The following RTN1 variants were observed in gnomAD, a reference collection of about 807,000 sequenced individuals.
RTN1 encodes the protein reticulon 1.
RTN1 carries 25 observed loss-of-function variants against 65.5 expected under a neutral mutation model. That is an observed-to-expected ratio of 0.38 (90% CI 0.28 to 0.53). RTN1 has a LOEUF of 0.53. Ranked by LOEUF, RTN1 falls within the 20% of genes least tolerant of loss-of-function variation. RTN1 has a pLI of 0.79. For missense variants in RTN1, 983 were observed against 1,025.4 expected, an observed-to-expected ratio of 0.96 and a Z score of 0.57; for synonymous variants, 471 against 447.6, an observed-to-expected ratio of 1.05 and a Z score of -0.66.
At chr14:59,657,357 C>T (rs759486448) in intron 3 of RTN1, among the ~76,000 whole-genome samples, 6 of 152,122 alleles carry the variant, frequency 3.9e-5, no homozygotes, top group Non-Finnish European at 8.8e-5. Context: ...TGCAGTGAGC[C>T]GAGACTGCGC....
At chr14:59,611,023 G>T (rs563849922) in intron 3 of RTN1, among the ~76,000 whole-genome samples, 1 of 152,136 alleles carries the variant, frequency 6.6e-6, no homozygotes, top group Non-Finnish European at 1.5e-5. Flanking sequence ...CACCCACAAA[G>T]TTATCCTTAA....
At position 59,611,192 on chromosome 14, in the gene RTN1, G is replaced by A. The variant is rs563935495; in HGVS notation, c.1766-3700C>T. ...AGGCAGTGGGCAATGTGAACCCCTT[G>A]GGCAGTTACAAATTTGGGGGCTCAT... is the stretch of plus-strand genomic sequence containing the variant. On this transcript the variant is annotated intron_variant, in intron 3 of 8. Coordinates refer to ENST00000267484, the MANE Select transcript of RTN1 (RefSeq NM_021136.3). 1.2e-4 allele frequency among the ~76,000 whole-genome samples: 19 copies of A among 152,304 alleles called. No homozygotes were observed. The South Asian group carries it at 3.9e-3, about 32-fold the overall frequency.
chr14:59,820,041 G>A (rs563827099), intron 1 of RTN1, among the ~76,000 whole-genome samples: 2 of 152,366 alleles, frequency 1.3e-5, no homozygotes, highest in African/African-American at 4.8e-5. Context: ...CAGAGTGGAC[G>A]CCAAGGCCGA....
chr14:59,749,364 ATATATCTATATATC>A (rs1885340752), intron 1 of RTN1, among the ~76,000 whole-genome samples: 2 of 77,568 alleles, frequency 2.6e-5, no homozygotes, highest in Non-Finnish European at 4.0e-5. Flanking sequence ...ATATCTATAT[ATATATCTATATATC>A]TATATCTATA....
rs573516417 is a variant in RTN1 at position 59,854,054 on chromosome 14, G to A, written c.241+16336C>T. Among the ~76,000 whole-genome samples, 44 of 151,796 alleles carry A rather than the reference G, an allele frequency of 2.9e-4. No homozygotes were observed. In the East Asian group the frequency reaches 5.7e-3, roughly 20 times the overall value. On this transcript the variant is annotated intron_variant, in intron 1 of 8. Coordinates refer to ENST00000267484, the MANE Select transcript of RTN1 (RefSeq NM_021136.3). ...TAATTTTTGTATTTTTAGTAGAGACGAGGTTTCCCTATGTTGGCTGGTCTT... is the reference window on the plus strand; with the variant it reads ...TAATTTTTGTATTTTTAGTAGAGACAAGGTTTCCCTATGTTGGCTGGTCTT...
At chr14:59,662,530 T>C (rs1165101260) in intron 3 of RTN1, among the ~76,000 whole-genome samples, 1 of 152,186 alleles carries the variant, frequency 6.6e-6, no homozygotes, top group Non-Finnish European at 1.5e-5. Context: ...ATGGAGTATA[T>C]GTGCCACATT....
chr14:59,618,918 T>C (rs1258765926), intron 3 of RTN1, among the ~76,000 whole-genome samples: 1 of 152,232 alleles, frequency 6.6e-6, no homozygotes, highest in Non-Finnish European at 1.5e-5. Flanking sequence ...GGATCCTGCT[T>C]TTAAGGAATT....
At chr14:59,683,034 C>T (rs1439748255) in intron 3 of RTN1, among the ~76,000 whole-genome samples, 1 of 152,118 alleles carries the variant, frequency 6.6e-6, no homozygotes, top group Non-Finnish European at 1.5e-5. Flanking sequence ...GTGACATTCA[C>T]TATGGTTGAT....
chr14:59,741,783 G>A (rs1256249967), intron 2 of RTN1, among the ~76,000 whole-genome samples: 2 of 152,014 alleles, frequency 1.3e-5, no homozygotes, highest in East Asian at 3.9e-4. Context: ...CTCAGGCCCT[G>A]TGCATTTGCT....
intron 1 of RTN1, among the ~76,000 whole-genome samples, chr14:59,807,050 CTCAT>C (rs1420879498): frequency 1.3e-5 from 2 of 152,312 alleles, no homozygotes; most frequent in East Asian, 3.9e-4. Flanking sequence ...TTACCTCTAA[CTCAT>C]TCAATGTGAT....
chr14:59,621,682 C>G (rs1657582271), intron 3 of RTN1, among the ~76,000 whole-genome samples: 1 of 152,176 alleles, frequency 6.6e-6, no homozygotes, highest in South Asian at 2.1e-4. Context: ...GAATTAATAG[C>G]TAAGTGGAAA....
Position 59,654,432 on chromosome 14 carries a change from G to GGAA in RTN1, c.1766-46941_1766-46940insTTC, listed in dbSNP as rs370396777. Reference sequence around the variant, plus strand: ...TGACAGAGCGAGACTCTGTCTCTGTGAAAAAAAAAAAAAAAGGAGGAGGGA... The same window carrying GGAA: ...TGACAGAGCGAGACTCTGTCTCTGTGGAAAAAAAAAAAAAAAAAGGAGGAGGGA... On this transcript the variant is annotated intron_variant, in intron 3 of 8. Coordinates refer to ENST00000267484, the MANE Select transcript of RTN1 (RefSeq NM_021136.3). Among the ~76,000 whole-genome samples the GGAA allele has an allele frequency of 7.4e-4, 81 of 108,824 alleles. 1 individual carries two copies. The highest frequency in any genetic ancestry group is 5.1e-3 in the Middle Eastern group (1 of 198). 71.4% of individuals were successfully genotyped at this position (108,824 alleles called of 152,430 possible). A position where few individuals can be genotyped will look rare whatever the true frequency, so the allele number is the denominator to read the frequency against.
intron 3 of RTN1, among the ~76,000 whole-genome samples, chr14:59,709,890 C>A (rs945087077): frequency 2.0e-5 from 3 of 152,062 alleles, no homozygotes; most frequent in Admixed American, 2.0e-4. Flanking sequence ...TTCAAATATT[C>A]CTAAATTTTC....
intron 3 of RTN1, among the ~76,000 whole-genome samples, chr14:59,658,251 C>T (rs1332794172): frequency 6.6e-6 from 1 of 152,250 alleles, no homozygotes; most frequent in East Asian, 1.9e-4. Flanking sequence ...CAGCCCCAGT[C>T]AGGGGCTTAT....
At chr14:59,772,501 G>A (rs185603774) in intron 1 of RTN1, among the ~76,000 whole-genome samples, 5 of 151,396 alleles carry the variant, frequency 3.3e-5, no homozygotes, top group African/African-American at 7.3e-5. Context: ...ATTAAGTTAC[G>A]TGACAGCCCA....
chr14:59,603,903 G>A lies in RTN1; in HGVS notation c.2131C>T (p.Leu711Phe). ...AAGAGAGCGCCAACGTAGGTCAGGAGCCACATCAGGACTGCAAACTGAAGA... is the reference window on the plus strand; with the variant it reads ...AAGAGAGCGCCAACGTAGGTCAGGAACCACATCAGGACTGCAAACTGAAGA... ...DSLKFAVLMW[L>F]LTYVGALFNG... is the part of the protein sequence containing the mutation. The change falls in exon 6 of 9, where the codon CTC becomes TTC. Residue 711 changes from leucine (L) to phenylalanine (F), a missense_variant. Physicochemically the swap from Leu to Phe is conservative, Grantham distance 22 (BLOSUM62 0). Around this residue, in one of 2 missense-constraint regions of RTN1, gnomAD observed 165 missense variants for 223.6 expected, o/e 0.74. Transcript: ENST00000267484. The A allele has an allele frequency of 6.2e-7, 1 of 1,611,808 alleles. No homozygotes were observed.
At chr14:59,814,892 T>C (rs1401932284) in intron 1 of RTN1, among the ~76,000 whole-genome samples, 1 of 152,248 alleles carries the variant, frequency 6.6e-6, no homozygotes, top group Non-Finnish European at 1.5e-5. Context: ...TTTTCTCATA[T>C]ATAATATTTT....
chr14:59,618,002 GC>G lies in RTN1; in HGVS notation c.1766-10511del, dbSNP rs565673327. ...AAAACCCAAGGGAAGGACTGAAACG[GC>G]CTTTGCAAAATTATGACCGAGACAG... On this transcript the variant is annotated intron_variant, in intron 3 of 8. Coordinates refer to ENST00000267484, the MANE Select transcript of RTN1 (RefSeq NM_021136.3). Among the ~76,000 whole-genome samples the G allele has an allele frequency of 6.1e-3, 923 of 152,258 alleles. 14 individuals carry two copies. Among genetic ancestry groups the G allele is most frequent in the African/African-American group, 0.02 (829 of 41,554 alleles).
intron 1 of RTN1, among the ~76,000 whole-genome samples, chr14:59,747,293 C>A (rs561410929): frequency 6.6e-6 from 1 of 152,308 alleles, no homozygotes; most frequent in East Asian, 1.9e-4. Context: ...TACTAATACA[C>A]CAGCCATTTT....
Sources: gnomAD v4.1 joint callset for allele counts (sites outside exome capture counted in the v4.1 genomes callset) on GRCh38, gnomAD v4.1.1 for gene constraint, gnomAD v4.1.1 regional missense constraint, MANE v1.5 for transcripts, NCBI Gene and HGNC (gene_info 2026-07-23, HGNC 2026-07-21) for gene names.